The following C10orf90 variants were observed in gnomAD, a reference collection of about 807,000 sequenced individuals.
The protein encoded by C10orf90 is chromosome 10 open reading frame 90.
C10orf90 carries 56 observed loss-of-function variants against 62.5 expected under a neutral mutation model. The ratio of observed to expected loss-of-function variants is 0.90; its 90% CI spans 0.72 to 1.12. The LOEUF is 1.12. Among genes scored for constraint, C10orf90 ranks in the 50% most tolerant of loss-of-function variants. The pLI, the probability that C10orf90 is intolerant of heterozygous loss-of-function variation, is 0.00. For synonymous variants in C10orf90, 386 were observed against 340.4 expected, an observed-to-expected ratio of 1.13 and a Z score of -1.47; for missense variants, 970 against 880.4, an observed-to-expected ratio of 1.10 and a Z score of -1.29.
chr10:126,588,597 A>C (rs552129739), intron 2 of C10orf90, among the ~76,000 whole-genome samples: 1 of 152,324 alleles, frequency 6.6e-6, no homozygotes, highest in Non-Finnish European at 1.5e-5. Flanking sequence ...GCCCTACAGA[A>C]GAGTGGCCTG....
chr10:126,572,227 A>G lies in C10orf90; in HGVS notation c.314-58288T>C, dbSNP rs367908118. On this transcript the variant is annotated intron_variant, in intron 2 of 9. Coordinates refer to ENST00000488181, the MANE Select transcript of C10orf90 (RefSeq NM_001350921.2). Reference sequence around the variant, plus strand: ...GCCTGCCAAACCCACCAAAACCAAGATGGCAATGCGAGTGACCTCTGATCA... The same window carrying G: ...GCCTGCCAAACCCACCAAAACCAAGGTGGCAATGCGAGTGACCTCTGATCA... 1.3e-3 allele frequency among the ~76,000 whole-genome samples: 197 copies of G among 152,192 alleles called. 4 individuals are homozygous for G. In the South Asian group the frequency reaches 0.04, roughly 31 times the overall value.
intron 1 of C10orf90, among the ~76,000 whole-genome samples, chr10:126,663,585 C>T (rs1262361906): frequency 6.6e-6 from 1 of 152,156 alleles, no homozygotes; most frequent in African/African-American, 2.4e-5. Flanking sequence ...CTCAGCTCTC[C>T]TTGCACGCAG....
intron 2 of C10orf90, among the ~76,000 whole-genome samples, chr10:126,606,161 T>G (rs1041465779): frequency 2.6e-5 from 4 of 152,290 alleles, no homozygotes; most frequent in Non-Finnish European, 5.9e-5. Context: ...CCACAGTCCA[T>G]GAAGCAACTT....
chr10:126,669,975 T>G (rs979390670), intron 1 of C10orf90, among the ~76,000 whole-genome samples: 5 of 152,188 alleles, frequency 3.3e-5, no homozygotes, highest in Non-Finnish European at 7.3e-5. Flanking sequence ...CTCAGTAGTC[T>G]TTGGAGCACC....
At chr10:126,457,437 G>A (rs904741646) in intron 7 of C10orf90, among the ~76,000 whole-genome samples, 3 of 152,208 alleles carry the variant, frequency 2.0e-5, no homozygotes, top group Admixed American at 6.5e-5. Context: ...ACAGCCGGGA[G>A]GTGCTGGCCC....
At chr10:126,538,978 C>T (rs1052119238) in intron 2 of C10orf90, among the ~76,000 whole-genome samples, 1 of 152,176 alleles carries the variant, frequency 6.6e-6, no homozygotes, top group Non-Finnish European at 1.5e-5. Flanking sequence ...TGGTCCTTGG[C>T]TGATGGGCAA....
chr10:126,538,080 G>A (rs1231414622), intron 2 of C10orf90, among the ~76,000 whole-genome samples: 1 of 152,208 alleles, frequency 6.6e-6, no homozygotes, highest in Admixed American at 6.5e-5. Flanking sequence ...AAAGGAAAGA[G>A]GTTTAATGGA....
intron 1 of C10orf90, among the ~76,000 whole-genome samples, chr10:126,652,407 C>T (rs11245078): frequency 0.29 from 44,589 of 152,132 alleles, 7,550 homozygotes; most frequent in East Asian, 0.37. Context: ...TTCAATCTAT[C>T]TGTCTCTCCT....
At chr10:126,621,102 C>T (rs1387464895) in intron 2 of C10orf90, among the ~76,000 whole-genome samples, 1 of 152,068 alleles carries the variant, frequency 6.6e-6, no homozygotes, top group Non-Finnish European at 1.5e-5. Flanking sequence ...TTTGATTTTT[C>T]TTAGAATAGA....
chr10:126,508,762 G>C (rs1189204832), intron 3 of C10orf90, among the ~76,000 whole-genome samples: 1 of 152,162 alleles, frequency 6.6e-6, no homozygotes, highest in Non-Finnish European at 1.5e-5. Flanking sequence ...AGAAAACAGG[G>C]GTGGTTCTCG....
intron 1 of C10orf90, among the ~76,000 whole-genome samples, chr10:126,656,808 G>C (rs1846404171): frequency 6.6e-6 from 1 of 152,172 alleles, no homozygotes; most frequent in African/African-American, 2.4e-5. Flanking sequence ...TGAACTGTAT[G>C]CTTCAAAAAC....
At chr10:126,552,373 T>C (rs1332870482) in intron 2 of C10orf90, among the ~76,000 whole-genome samples, 1 of 152,222 alleles carries the variant, frequency 6.6e-6, no homozygotes, top group African/African-American at 2.4e-5. Context: ...AATTTGCATT[T>C]GTCTTAGTTA....
intron 1 of C10orf90, among the ~76,000 whole-genome samples, chr10:126,659,814 G>A (rs1157659867): frequency 1.3e-5 from 2 of 152,226 alleles, no homozygotes. Context: ...ATTGAATCAA[G>A]GAAGATCTCT....
chr10:126,638,396 C>T (rs1845995633), intron 2 of C10orf90, among the ~76,000 whole-genome samples: 1 of 152,138 alleles, frequency 6.6e-6, no homozygotes, highest in South Asian at 2.1e-4. Context: ...GCACCCCTGA[C>T]ACTGCCTCTT....
intron 2 of C10orf90, among the ~76,000 whole-genome samples, chr10:126,576,616 A>G (rs1591113748): frequency 1.3e-5 from 2 of 149,534 alleles, no homozygotes; most frequent in Admixed American, 1.4e-4. Context: ...AGACATCTGC[A>G]CCCGCATGTT....
At chr10:126,528,071 CT>C (rs1168843827) in intron 2 of C10orf90, among the ~76,000 whole-genome samples, 1 of 152,154 alleles carries the variant, frequency 6.6e-6, no homozygotes, top group Admixed American at 6.5e-5. Context: ...TGAACTTGAA[CT>C]TTAGAGTGAG....
At chr10:126,442,850 G>A (rs561057597) in intron 7 of C10orf90, among the ~76,000 whole-genome samples, 9 of 151,070 alleles carry the variant, frequency 6.0e-5, no homozygotes, top group East Asian at 3.9e-4. Context: ...AATCAACTCC[G>A]AAAGGAACCT....
chr10:126,612,708 G>A (rs189716696), intron 2 of C10orf90, among the ~76,000 whole-genome samples: 1 of 152,118 alleles, frequency 6.6e-6, no homozygotes, highest in African/African-American at 2.4e-5. Context: ...TCCACTCCTC[G>A]GGGTTCAACT....
At chr10:126,522,741 T>A (rs1300116761) in intron 2 of C10orf90, 4 of 152,230 alleles carry the variant, frequency 2.6e-5, no homozygotes, top group Admixed American at 6.5e-5. Flanking sequence ...ACCCCTCCAG[T>A]AAGACTAAAG....
Sources: allele counts gnomAD v4.1 joint callset (sites outside exome capture counted in the v4.1 genomes callset), GRCh38; gene constraint gnomAD v4.1.1; transcripts MANE v1.5; gene names NCBI Gene and HGNC (gene_info 2026-07-23, HGNC 2026-07-21).